The following GNB4 variants were observed in gnomAD, a reference collection of about 807,000 sequenced individuals.
GNB4 encodes G protein subunit beta 4, also known as guanine nucleotide-binding protein subunit beta-4.
A neutral mutation model predicts 45.2 loss-of-function variants in GNB4; 28 were observed. The ratio of observed to expected loss-of-function variants is 0.62; its 90% CI spans 0.46 to 0.85. The LOEUF (loss-of-function observed/expected upper bound fraction) is 0.85. Ranked by LOEUF, GNB4 falls within the 40% of genes least tolerant of loss-of-function variation. The pLI is 0.00. For missense variants in GNB4, 321 were observed against 425.4 expected (o/e 0.75, Z 2.16); for synonymous variants, 132 against 143.7 (o/e 0.92, Z 0.58).
chr3:179,472,960 G>A, the GNB4 span, among the ~76,000 whole-genome samples: 1 of 152,080 alleles, frequency 6.6e-6, no homozygotes, highest in African/African-American at 2.4e-5. Flanking sequence ...TTAGGAGATC[G>A]AGACCATCCT....
chr3:179,442,565 G>C (rs576096151), intron 1 of GNB4, among the ~76,000 whole-genome samples: 1 of 151,942 alleles, frequency 6.6e-6, no homozygotes, highest in Non-Finnish European at 1.5e-5. Flanking sequence ...TTATCTCTTG[G>C]ATTTTTTTTT....
At chr3:179,436,391 AAAATAAAATAAAATG>A (rs1340577109) in intron 1 of GNB4, among the ~76,000 whole-genome samples, 4 of 152,196 alleles carry the variant, frequency 2.6e-5, no homozygotes, top group African/African-American at 9.7e-5. Context: ...ACTCCATCTC[AAAATAAAATAAAATG>A]AAATAAAATA....
intron 3 of GNB4, among the ~76,000 whole-genome samples, chr3:179,420,299 T>C (rs1714939397): frequency 1.3e-5 from 2 of 149,032 alleles, no homozygotes; most frequent in African/African-American, 4.9e-5. Flanking sequence ...CAGCTAACTT[T>C]CATGTTTTTT....
At chr3:179,490,298 GGTCAATT>G in the GNB4 span, among the ~76,000 whole-genome samples, 1 of 152,168 alleles carries the variant, frequency 6.6e-6, no homozygotes, top group African/African-American at 2.4e-5. Flanking sequence ...CATGCAGCCA[GGTCAATT>G]GTCTGTTCAA....
rs141873775 is a variant in GNB4, at chr3:179,414,784, C to T, written c.430+101G>A. On this transcript the variant is annotated intron_variant, in intron 6 of 9. Transcript: ENST00000232564. ...TAATTTCATTCCCACCCGATTAATC[C>T]TCATCCTTTAGCCAGCCGAGCACAA... The T allele has an allele frequency of 0.024, 21,351 of 883,108 alleles. 349 individuals carry two copies. Among genetic ancestry groups the T allele is most frequent in the South Asian group, 0.05 (1,470 of 29,180 alleles). The allele number at this position is 883,108 out of a possible 1,614,324, so 54.7% of individuals were successfully genotyped here.
At position 179,418,358 on chromosome 3, in the gene GNB4, T is replaced by C. The variant is rs570635355; in HGVS notation, c.203+1041A>G. Among the ~76,000 whole-genome samples, 7 of 150,064 alleles carry C rather than the reference T, an allele frequency of 4.7e-5. No individual in the cohort carries two copies. In the South Asian group the frequency reaches 8.3e-4, roughly 18 times the overall value. ...GGTTGTGGATGTCTGTAATCCCAGC[T>C]ACTTGGGAGGCTGAAGCAGGAAAAT... On this transcript the variant is annotated intron_variant, in intron 4 of 9. Transcript: ENST00000232564.
intron 1 of GNB4, among the ~76,000 whole-genome samples, chr3:179,445,552 C>T (rs1715700037): frequency 6.6e-6 from 1 of 152,162 alleles, no homozygotes; most frequent in South Asian, 2.1e-4. Context: ...TCCCAAAGTA[C>T]TGGGATTACA....
At chr3:179,473,810 AC>A in the GNB4 span, among the ~76,000 whole-genome samples, 1 of 152,180 alleles carries the variant, frequency 6.6e-6, no homozygotes, top group Admixed American at 6.5e-5. Flanking sequence ...TGTAAATGTA[AC>A]CACTTGGTTG....
At chr3:179,496,698 T>C in the GNB4 span, among the ~76,000 whole-genome samples, 259 of 152,172 alleles carry the variant, frequency 1.7e-3, 1 homozygote, top group African/African-American at 5.8e-3. Flanking sequence ...GCTATACTTA[T>C]AGGAGACAAA....
At chr3:179,452,039 A>T (rs1175521925), upstream of GNB4, among the ~76,000 whole-genome samples, 4 of 152,200 alleles carry the variant, frequency 2.6e-5, no homozygotes, top group African/African-American at 9.7e-5. Flanking sequence ...TACCTGCCTC[A>T]TAAAGGTGCT....
intron 1 of GNB4, among the ~76,000 whole-genome samples, chr3:179,441,193 C>T (rs553266278): frequency 1.3e-5 from 2 of 152,294 alleles, no homozygotes; most frequent in African/African-American, 4.8e-5. Context: ...TACAGCCATG[C>T]ATCACTTAAC....
At chr3:179,405,454 C>A in intron 8 of GNB4, 48 bp from the exon 9 acceptor site, 1 of 1,284,862 alleles carries the variant, frequency 7.8e-7, no homozygotes, top group South Asian at 1.4e-5. Flanking sequence ...TATGCACAAT[C>A]ATAGGAGGCA....
At chr3:179,448,681 A>C (rs1002764909) in intron 1 of GNB4, among the ~76,000 whole-genome samples, 12 of 152,208 alleles carry the variant, frequency 7.9e-5, no homozygotes. Context: ...CCATTTACTC[A>C]GTTCCTACCC....
At chr3:179,461,216 G>A in the GNB4 span, among the ~76,000 whole-genome samples, 1 of 152,090 alleles carries the variant, frequency 6.6e-6, no homozygotes, top group South Asian at 2.1e-4. Flanking sequence ...CCCTGCCACT[G>A]GAAATCCTAA....
intron 1 of GNB4, among the ~76,000 whole-genome samples, chr3:179,450,074 T>C (rs146799947): frequency 7.9e-5 from 12 of 152,338 alleles, no homozygotes; most frequent in Middle Eastern, 6.8e-3. Flanking sequence ...TAAATGTATA[T>C]ACAGAGGGTT....
intron 8 of GNB4, among the ~76,000 whole-genome samples, chr3:179,411,632 A>G (rs1185577967): frequency 6.6e-6 from 1 of 152,218 alleles, no homozygotes; most frequent in Non-Finnish European, 1.5e-5. Context: ...TCAACTTGAT[A>G]AAAGTAATGG....
At chr3:179,425,980 T>A (rs1342949223) in intron 2 of GNB4, among the ~76,000 whole-genome samples, 164 bp downstream of exon 2, 2 of 152,210 alleles carry the variant, frequency 1.3e-5, no homozygotes, top group Non-Finnish European at 2.9e-5. Flanking sequence ...TTTCGAGACA[T>A]GGTAAACACA....
At chr3:179,402,275 C>A (rs1318907905) in intron 9 of GNB4, among the ~76,000 whole-genome samples, 1 of 152,168 alleles carries the variant, frequency 6.6e-6, no homozygotes, top group Non-Finnish European at 1.5e-5. Flanking sequence ...TCCAGTTGAG[C>A]CAACCTGAAA....
the GNB4 span, among the ~76,000 whole-genome samples, chr3:179,460,969 G>A: frequency 4.6e-5 from 7 of 152,268 alleles, no homozygotes; most frequent in East Asian, 1.2e-3. Flanking sequence ...GGTCACCATC[G>A]ACTCAGGCAC....
Sources: allele counts gnomAD v4.1 joint callset (sites outside exome capture counted in the v4.1 genomes callset), GRCh38; gene constraint gnomAD v4.1.1; transcripts MANE v1.5; gene names NCBI Gene and HGNC (gene_info 2026-07-23, HGNC 2026-07-21).